The following EIF1AX variants were observed in gnomAD, a reference collection of about 807,000 sequenced individuals.
The protein encoded by EIF1AX is eukaryotic translation initiation factor 1A X-linked.
In EIF1AX, 1 loss-of-function variant was observed where a neutral mutation model predicts 16.1. The observed-to-expected ratio is 0.06, with a 90% CI of 0.02 to 0.30. EIF1AX has a LOEUF of 0.30. Among genes scored for constraint, EIF1AX ranks in the 10% least tolerant of loss-of-function variants. The probability of loss-of-function intolerance (pLI) is 1.00; values close to 1 mark genes in which losing one functional copy is unlikely to be tolerated. For missense variants in EIF1AX, 11 were observed against 109.1 expected, an observed-to-expected ratio of 0.10 and a Z score of 4.00; for synonymous variants, 32 against 37.3, an observed-to-expected ratio of 0.86 and a Z score of 0.51.
At chrX:20,131,308 C>T (rs771107372) in intron 5 of EIF1AX, among the ~76,000 whole-genome samples, 12 of 111,628 alleles carry the variant, frequency 1.1e-4, no homozygotes, top group African/African-American at 3.9e-4. Flanking sequence ...TATTATACAA[C>T]GATAAAATGG....
At chrX:20,134,046 A>G in intron 3 of EIF1AX, 39 bp from the exon 4 acceptor site, 1 of 1,137,035 alleles carries the variant, frequency 8.8e-7, no homozygotes, top group Non-Finnish European at 1.2e-6. Flanking sequence ...ATTTAAAATA[A>G]CGAAGAATCA....
intron 2 of EIF1AX, among the ~76,000 whole-genome samples, chrX:20,137,637 C>T (rs1304588108): frequency 2.7e-5 from 3 of 111,521 alleles, no homozygotes; most frequent in African/African-American, 9.8e-5. Flanking sequence ...CTTGGTCTGG[C>T]ACTTACAATA....
chrX:20,141,798 C>T lies in EIF1AX; in HGVS notation c.-158G>A. 2 of 508,718 alleles carry T rather than the reference C, an allele frequency of 3.9e-6. No homozygotes were observed. The highest frequency in any genetic ancestry group is 2.5e-5 in the African/African-American group (1 of 40,188). The allele number at this position is 508,718 out of a possible 1,213,427, so 41.9% of individuals were successfully genotyped here. ...GGGAGAGGCTGGCGACCCAGCTCTT[C>T]AGAGATCCGCCTGCGTCCACGCTCG... On this transcript the variant is annotated 5_prime_UTR_variant, in exon 1 of 7. Transcript: ENST00000379607.
At position 20,124,574 on chromosome X, in the gene EIF1AX, T is replaced by A. The variant is rs2066978701; in HGVS notation, c.*3732A>T. The A allele has an allele frequency of 6.5e-6, 1 of 154,305 alleles. No homozygotes were observed. The highest frequency in any genetic ancestry group is 1.0e-4 in the East Asian group (1 of 9,930). 12.7% of individuals were successfully genotyped at this position (154,305 alleles called of 1,213,427 possible). A position where few individuals can be genotyped will look rare whatever the true frequency, so the allele number is the denominator to read the frequency against. On this transcript the variant is annotated 3_prime_UTR_variant, in exon 7 of 7. Transcript: ENST00000379607. The stretch of plus-strand genomic sequence containing the variant: ...TCTAATTGCAGTAGTTTGTATCTGA[T>A]TTCTTTACATCATTCCATATGATGG...
At chrX:20,134,732 T>C (rs1322195846) in intron 3 of EIF1AX, among the ~76,000 whole-genome samples, 1 of 109,851 alleles carries the variant, frequency 9.1e-6, no homozygotes, top group African/African-American at 3.3e-5. Context: ...AGTGAGACTC[T>C]GTCTCAAAAA....
intron 1 of EIF1AX, among the ~76,000 whole-genome samples, chrX:20,141,403 A>G (rs1340389602): frequency 8.9e-6 from 1 of 111,898 alleles, no homozygotes; most frequent in Non-Finnish European, 1.9e-5. Context: ...AGGCCCTACA[A>G]AAATGGCGCC....
At position 20,132,231 on chromosome X, in the gene EIF1AX, A is replaced by G. The variant is rs2067003447; in HGVS notation, c.288T>C (p.Asn96=). 3.3e-6 allele frequency: 4 copies of G among 1,202,305 alleles called. No homozygotes were observed. Among genetic ancestry groups the G allele is most frequent in the Non-Finnish European group, 4.5e-6 (4 of 890,935 alleles). Residue 96 remains asparagine (N), a synonymous_variant, in exon 5 of 7, where the codon AAT becomes AAC. Transcript: ENST00000379607. ...DNKADVILKY[N]ADEARSLKAY... ...CCTTCAGACTTCTAGCTTCGTCTGC[A>G]TTGTATTTTAAAATTACATCAGCTT... is the stretch of plus-strand genomic sequence containing the variant.
At chrX:20,132,425 T>C (rs1164236954) in intron 4 of EIF1AX, among the ~76,000 whole-genome samples, 162 bp from the exon 5 acceptor site, 1 of 111,973 alleles carries the variant, frequency 8.9e-6, no homozygotes, top group Non-Finnish European at 1.9e-5. Flanking sequence ...AAAAAGATCC[T>C]TAGGTTTAAC....
intron 2 of EIF1AX, 63 bp downstream of exon 2, chrX:20,138,475 TA>T: frequency 1.1e-6 from 1 of 951,190 alleles, no homozygotes; most frequent in Non-Finnish European, 1.5e-6. Context: ...CTCAAAAAAA[TA>T]AAGTCCCCAG....
At chrX:20,133,479 C>A (rs972044987) in intron 4 of EIF1AX, among the ~76,000 whole-genome samples, 5 of 108,826 alleles carry the variant, frequency 4.6e-5, no homozygotes, top group Non-Finnish European at 7.6e-5. Flanking sequence ...GAAACAATGG[C>A]TTAAAGTGAA....
rs1245008474 is a variant in EIF1AX at position 20,141,683 on chromosome X, G to T, written c.-43C>A. The T allele has an allele frequency of 8.8e-7, 1 of 1,137,949 alleles. No individual in the cohort carries two copies. Among genetic ancestry groups the T allele is most frequent in the Non-Finnish European group, 1.2e-6 (1 of 855,236 alleles). 93.8% of individuals were successfully genotyped at this position (1,137,949 alleles called of 1,213,427 possible). ...CGCGGCGTCTCTGACTTCTTTCCGG[G>T]TAGCGGCGACCGCGGCGGCTGCTGC... On this transcript the variant is annotated 5_prime_UTR_variant, in exon 1 of 7. Coordinates refer to ENST00000379607, the MANE Select transcript of EIF1AX (RefSeq NM_001412.4).
rs921848764 is a variant in EIF1AX, at chrX:20,132,350, C to T, written c.256-87G>A. The T allele has an allele frequency of 2.4e-5, 14 of 574,659 alleles. No individual in the cohort carries two copies. In the East Asian group the frequency reaches 5.2e-4, roughly 21 times the overall value. 47.4% of individuals were successfully genotyped at this position (574,659 alleles called of 1,213,427 possible). On this transcript the variant is annotated intron_variant, in intron 4 of 6. Coordinates refer to ENST00000379607, the MANE Select transcript of EIF1AX (RefSeq NM_001412.4). ...TAAATTCTCATATTGAATAAACAAT[C>T]AAATCTCACCGTTTTACTATAAATC...
chrX:20,128,364 C>G, intron 6 of EIF1AX, 53 bp from the exon 7 acceptor site: 1 of 1,066,211 alleles, frequency 9.4e-7, no homozygotes, highest in Non-Finnish European at 1.3e-6. Flanking sequence ...TATATTCCAA[C>G]AGTCTACTCC....
chrX:20,130,470 C>T, intron 6 of EIF1AX, 46 bp downstream of exon 6: 1 of 1,140,888 alleles, frequency 8.8e-7, no homozygotes, highest in Non-Finnish European at 1.2e-6. Flanking sequence ...TTGGTTTCTC[C>T]ATGGATAATA....
intron 3 of EIF1AX, among the ~76,000 whole-genome samples, chrX:20,135,520 C>T (rs1227134843): frequency 9.0e-6 from 1 of 111,300 alleles, no homozygotes; most frequent in Non-Finnish European, 1.9e-5. Flanking sequence ...ACTTTTTGGG[C>T]AGGAATACAA....
At chrX:20,138,469 A>C (rs1354634102) in intron 2 of EIF1AX, 70 bp downstream of exon 2, 1 of 929,867 alleles carries the variant, frequency 1.1e-6, no homozygotes, top group Non-Finnish European at 1.6e-6. Context: ...CGCTGTCTCA[A>C]AAAAATAAAG....
chrX:20,131,679 GTTTTT>G (rs758358275), intron 5 of EIF1AX, among the ~76,000 whole-genome samples: 6 of 85,839 alleles, frequency 7.0e-5, no homozygotes, highest in Admixed American at 2.6e-4. Flanking sequence ...TTGCTTCATG[GTTTTT>G]TTTTTTTTTT....
intron 1 of EIF1AX, chrX:20,140,227 C>T (rs1343136267): frequency 4.5e-5 from 5 of 111,973 alleles, no homozygotes; most frequent in Non-Finnish European, 7.5e-5. Flanking sequence ...AGGGTGGAGT[C>T]GACAGGAGGT....
At position 20,124,887 on chromosome X, in the gene EIF1AX, G is replaced by A. The variant is rs2066980019; in HGVS notation, c.*3419C>T. ...ATTCTACGTGTTCCTTCTATTGTAC[G>A]AATCAAAGACTGCACGCAAAAGAAA... is the stretch of plus-strand genomic sequence containing the variant. On this transcript the variant is annotated 3_prime_UTR_variant, in exon 7 of 7. Coordinates refer to ENST00000379607, the MANE Select transcript of EIF1AX (RefSeq NM_001412.4). 6.7e-6 allele frequency: 1 copy of A among 148,612 alleles called. No homozygotes were observed. The highest frequency in any genetic ancestry group is 3.3e-4 in the South Asian group (1 of 3,007). The allele number at this position is 148,612 out of a possible 1,213,427, so 12.2% of individuals were successfully genotyped here.
Sources: gnomAD v4.1 joint callset for allele counts (sites outside exome capture counted in the v4.1 genomes callset) on GRCh38, gnomAD v4.1.1 for gene constraint, MANE v1.5 for transcripts, NCBI Gene and HGNC (gene_info 2026-07-23, HGNC 2026-07-21) for gene names.